PTPN2: variants seen among roughly 807,000 people sequenced by gnomAD.
The protein encoded by PTPN2 is tyrosine-protein phosphatase non-receptor type 2.
A neutral mutation model predicts 57.3 loss-of-function variants in PTPN2; 19 were observed. That is an observed-to-expected ratio of 0.33 (90% CI 0.23 to 0.49). PTPN2 has a LOEUF of 0.49. Among genes scored for constraint, PTPN2 ranks in the 20% least tolerant of loss-of-function variants. The pLI, the probability that PTPN2 is intolerant of heterozygous loss-of-function variation, is 0.99. For missense variants in PTPN2, 358 were observed against 501.1 expected (o/e 0.71, Z 2.73); for synonymous variants, 153 against 164.9 (o/e 0.93, Z 0.55).
At chr18:12,867,121 C>T (rs954169475) in intron 1 of PTPN2, among the ~76,000 whole-genome samples, 6 of 150,200 alleles carry the variant, frequency 4.0e-5, no homozygotes, top group Middle Eastern at 3.5e-3. Context: ...GGTGAAACCA[C>T]GTATCTACAA....
chr18:12,877,768 T>G (rs1175623023), intron 1 of PTPN2, among the ~76,000 whole-genome samples: 3 of 152,076 alleles, frequency 2.0e-5, no homozygotes, highest in African/African-American at 7.3e-5. Context: ...TCCCAGCACT[T>G]TGGGAGGCCG....
chr18:12,866,185 C>G (rs557087968), intron 1 of PTPN2, among the ~76,000 whole-genome samples: 1 of 151,964 alleles, frequency 6.6e-6, no homozygotes, highest in Non-Finnish European at 1.5e-5. Context: ...ACGCCTGTAA[C>G]CCTAGCACTT....
At chr18:12,876,316 A>AGAAGAAGAAGAAGAAGAAGAAGAAGAAG (rs1568177300) in intron 1 of PTPN2, among the ~76,000 whole-genome samples, 2 of 149,332 alleles carry the variant, frequency 1.3e-5, no homozygotes, top group East Asian at 1.9e-4. Flanking sequence ...AAGAAGAAGA[A>AGAAGAAGAAGAAGAAGAAGAAGAAGAAG]ATTTGTCAGG....
chr18:12,794,834 G>A (rs2041109092), intron 8 of PTPN2, among the ~76,000 whole-genome samples: 1 of 152,122 alleles, frequency 6.6e-6, no homozygotes, highest in South Asian at 2.1e-4. Flanking sequence ...TGTTGGCCAG[G>A]CTGGTCTTGA....
intron 7 of PTPN2, among the ~76,000 whole-genome samples, chr18:12,808,713 G>A (rs985215774): frequency 5.3e-5 from 8 of 152,186 alleles, no homozygotes; most frequent in African/African-American, 1.7e-4. Flanking sequence ...CCCAGGAGGC[G>A]GAGGTTGCAG....
At chr18:12,826,915 G>A (rs2042483607) in intron 4 of PTPN2, among the ~76,000 whole-genome samples, 1 of 152,062 alleles carries the variant, frequency 6.6e-6, no homozygotes. Flanking sequence ...AACTAAAAAA[G>A]CCATAGGTAT....
chr18:12,808,347 G>A (rs982151412), intron 7 of PTPN2, among the ~76,000 whole-genome samples: 2 of 152,108 alleles, frequency 1.3e-5, no homozygotes, highest in African/African-American at 4.8e-5. Context: ...AGCTGGAAGA[G>A]AGGATTTTGA....
chr18:12,847,888 T>A (rs1351821009), intron 2 of PTPN2, among the ~76,000 whole-genome samples: 1 of 148,086 alleles, frequency 6.8e-6, no homozygotes, highest in African/African-American at 2.5e-5. Context: ...CATAAGCCAC[T>A]GCACTAGGCC....
At position 12,859,846 on chromosome 18, in the gene PTPN2, C is replaced by A. The variant is rs2043729749; in HGVS notation, c.70-592G>T. Among the ~76,000 whole-genome samples, 4 of 152,256 alleles carry A rather than the reference C, an allele frequency of 2.6e-5. No individual in the cohort carries two copies. The South Asian group carries it at 6.2e-4, about 24-fold the overall frequency. On this transcript the variant is annotated intron_variant, in intron 1 of 8. Transcript: ENST00000309660. Reference sequence around the variant, plus strand: ...CTTCTCCTTAAAAAAAAAATTATTTCTAGAGCCATAAATGTTCAGCAACAA... The same window carrying A: ...CTTCTCCTTAAAAAAAAAATTATTTATAGAGCCATAAATGTTCAGCAACAA...
rs1214919919 is a variant in PTPN2, at chr18:12,786,926, T to C, written c.1143-1082A>G. On this transcript the variant is annotated intron_variant, in intron 9 of 9. Transcript: ENST00000327283. ...TGAGCCCACAACTACTATGGGTGTT[T>C]ATTACATGAATCTTCAGAATGTGAA... 8 of 152,226 alleles carry C rather than the reference T, an allele frequency of 5.3e-5. No homozygotes were observed. The East Asian group carries it at 1.5e-3, about 29-fold the overall frequency. 9.4% of individuals were successfully genotyped at this position (152,226 alleles called of 1,614,324 possible). A position where few individuals can be genotyped will look rare whatever the true frequency, so the allele number is the denominator to read the frequency against.
chr18:12,818,108 C>T (rs555589524), intron 5 of PTPN2, among the ~76,000 whole-genome samples: 8 of 152,154 alleles, frequency 5.3e-5, no homozygotes, highest in East Asian at 3.9e-4. Context: ...TGCCATTGCA[C>T]GCCAGCTTGG....
intron 1 of PTPN2, among the ~76,000 whole-genome samples, chr18:12,878,751 GTGAGAGGCTC>G (rs2044575909): frequency 6.6e-6 from 1 of 152,172 alleles, no homozygotes; most frequent in African/African-American, 2.4e-5. Flanking sequence ...AGAGGCTGAG[GTGAGAGGCTC>G]ACCTGAGCCC....
rs1317510407 is a variant in PTPN2, at chr18:12,884,157, C to G, written c.-16G>C. The stretch of plus-strand genomic sequence containing the variant: ...TGGTGGGCATGGCTGCGGGAGCGAG[C>G]TGGCGCGAGCAGAGCCTGCGCCGGC... On this transcript the variant is annotated 5_prime_UTR_variant, in exon 1 of 9. Coordinates refer to ENST00000309660, the MANE Select transcript of PTPN2 (RefSeq NM_002828.4). 6.4e-7 allele frequency: 1 copy of G among 1,572,074 alleles called. No homozygotes were observed. The highest frequency in any genetic ancestry group is 8.6e-7 in the Non-Finnish European group (1 of 1,161,178).
Position 12,879,217 on chromosome 18 carries a change from C to A in PTPN2, c.69+4856G>T, listed in dbSNP as rs1171622854. Among the ~76,000 whole-genome samples the A allele has an allele frequency of 2.6e-5, 4 of 152,182 alleles. No individual in the cohort carries two copies. The East Asian group carries it at 7.7e-4, about 29-fold the overall frequency. ...GCAGTGGCACAATTATGGCTCACTGCAGCCCTAACCTCCTGACCTCAAGTG... is the reference window on the plus strand; with the variant it reads ...GCAGTGGCACAATTATGGCTCACTGAAGCCCTAACCTCCTGACCTCAAGTG... On this transcript the variant is annotated intron_variant, in intron 1 of 8. Coordinates refer to ENST00000309660, the MANE Select transcript of PTPN2 (RefSeq NM_002828.4).
chr18:12,807,586 A>AAAAAAAAAAAATATATAT, intron 7 of PTPN2, among the ~76,000 whole-genome samples: 1 of 35,200 alleles, frequency 2.8e-5, no homozygotes, highest in African/African-American at 7.0e-5. Flanking sequence ...AAAAAAAAAA[A>AAAAAAAAAAAATATATAT]ATATATATAT....
At chr18:12,883,975 G>C (rs1434608548) in intron 1 of PTPN2, 98 bp downstream of exon 1, 12 of 1,118,880 alleles carry the variant, frequency 1.1e-5, no homozygotes, top group Non-Finnish European at 1.5e-5. Flanking sequence ...CGAGAGGCTA[G>C]AGGCGAGAGG....
In PTPN2 at chr18:12,792,267, C is replaced by T; in HGVS notation, c.*2011G>A. On this transcript the variant is annotated 3_prime_UTR_variant, in exon 9 of 9. Transcript: ENST00000309660. The stretch of plus-strand genomic sequence containing the variant: ...AATCAATTCAAAATATCTATCTATA[C>T]CAATGGTTTTCAAACTTTTTTTTTT... 1 of 924,470 alleles carries T rather than the reference C, an allele frequency of 1.1e-6. No individual in the cohort carries two copies. Among genetic ancestry groups the T allele is most frequent in the Non-Finnish European group, 1.3e-6 (1 of 775,150 alleles). The allele number at this position is 924,470 out of a possible 1,614,324, so 57.3% of individuals were successfully genotyped here.
chr18:12,801,390 G>A (rs1185649157), intron 8 of PTPN2, among the ~76,000 whole-genome samples: 2 of 151,958 alleles, frequency 1.3e-5, no homozygotes, highest in African/African-American at 2.4e-5. Context: ...GTGGGCGCCT[G>A]TAATCCCAGC....
chr18:12,833,357 G>A (rs752363484), intron 3 of PTPN2, among the ~76,000 whole-genome samples: 4 of 152,226 alleles, frequency 2.6e-5, no homozygotes, highest in Admixed American at 2.0e-4. Context: ...GAGCTAGACT[G>A]AGATGCAGTC....
Sources: allele counts gnomAD v4.1 joint callset (sites outside exome capture counted in the v4.1 genomes callset), GRCh38; gene constraint gnomAD v4.1.1; transcripts MANE v1.5; gene names NCBI Gene and HGNC (gene_info 2026-07-23, HGNC 2026-07-21).